Variants in DCC observed in about 807,000 individuals in gnomAD.
DCC encodes DCC netrin 1 receptor, also known as netrin receptor DCC.
Under a neutral mutation model 172.5 loss-of-function variants are expected in DCC, and 58 were observed. The observed-to-expected ratio is 0.34, with a 90% CI of 0.27 to 0.42. DCC has a LOEUF of 0.42. Among genes scored for constraint, DCC ranks in the 10% least tolerant of loss-of-function variants. DCC has a pLI of 1.00. For missense variants in DCC, 1,740 were observed against 1,791.0 expected, an observed-to-expected ratio of 0.97 and a Z score of 0.51; for synonymous variants, 709 against 644.5, an observed-to-expected ratio of 1.10 and a Z score of -1.52.
chr18:53,068,413 T>TC (rs1009549662), intron 7 of DCC, among the ~76,000 whole-genome samples: 1 of 94,384 alleles, frequency 1.1e-5, no homozygotes, highest in Non-Finnish European at 2.0e-5. Context: ...TCCCTCTCCC[T>TC]CCCCCCACCC....
At chr18:52,384,593 G>A (rs1393462065) in intron 1 of DCC, among the ~76,000 whole-genome samples, 1 of 152,126 alleles carries the variant, frequency 6.6e-6, no homozygotes, top group Non-Finnish European at 1.5e-5. Context: ...GTGGCGTGGC[G>A]GGGTGAAGAC....
chr18:53,346,240 C>T (rs987064605), intron 15 of DCC, among the ~76,000 whole-genome samples: 3 of 152,008 alleles, frequency 2.0e-5, no homozygotes, highest in Non-Finnish European at 2.9e-5. Context: ...TATTTGATTT[C>T]CAGCAGCTAG....
At chr18:53,448,455 A>G (rs541018525) in intron 22 of DCC, among the ~76,000 whole-genome samples, 2 of 152,328 alleles carry the variant, frequency 1.3e-5, no homozygotes, top group South Asian at 4.2e-4. Context: ...GCATGCGGGT[A>G]AACACCCCCA....
At chr18:52,610,175 AAAAATATATATATATATATATAT>A (rs1568254167) in intron 1 of DCC, among the ~76,000 whole-genome samples, 6 of 20,830 alleles carry the variant, frequency 2.9e-4, no homozygotes, top group African/African-American at 9.8e-4. Flanking sequence ...AAAAAAAAAA[AAAAATATATATATATATATATAT>A]ATATATATAT....
chr18:52,479,113 CTTGT>C (rs5824939), intron 1 of DCC, among the ~76,000 whole-genome samples: 92,534 of 151,512 alleles, frequency 0.61, 28,318 homozygotes, highest in Middle Eastern at 0.66. Flanking sequence ...ACCTCATAGA[CTTGT>C]TTGTGAAAGT....
At chr18:52,862,014 C>T (rs371571248) in intron 2 of DCC, among the ~76,000 whole-genome samples, 38 of 151,976 alleles carry the variant, frequency 2.5e-4, no homozygotes, top group African/African-American at 8.0e-4. Flanking sequence ...TCATGGCATA[C>T]GACAATTTAA....
chr18:52,810,552 G>C (rs1299457422), intron 2 of DCC, among the ~76,000 whole-genome samples: 1 of 152,176 alleles, frequency 6.6e-6, no homozygotes, highest in African/African-American at 2.4e-5. Flanking sequence ...GGGACATAGG[G>C]ATGTTCCCCC....
chr18:52,691,893 A>G lies in DCC; in HGVS notation c.92-60161A>G, dbSNP rs563496109. Among the ~76,000 whole-genome samples the G allele has an allele frequency of 6.5e-3, 988 of 152,280 alleles. 15 individuals are homozygous for G. The highest frequency in any genetic ancestry group is 9.5e-3 in the Non-Finnish European group (649 of 68,028). Reference sequence around the variant, plus strand: ...CTGAAAACCTCTTTGCTTATAACTGACCTGGCTTTTTATATCAATGACTTC... The same window carrying G: ...CTGAAAACCTCTTTGCTTATAACTGGCCTGGCTTTTTATATCAATGACTTC... On this transcript the variant is annotated intron_variant, in intron 1 of 28. Coordinates refer to ENST00000442544, the MANE Select transcript of DCC (RefSeq NM_005215.4).
intron 12 of DCC, among the ~76,000 whole-genome samples, chr18:53,243,051 CATGTTGAA>C (rs1345501442): frequency 2.0e-4 from 31 of 152,206 alleles, no homozygotes; most frequent in African/African-American, 7.2e-4. Context: ...ACATTTTTAA[CATGTTGAA>C]CTGATGTGAC....
intron 1 of DCC, among the ~76,000 whole-genome samples, chr18:52,515,909 A>T (rs1417792578): frequency 6.7e-6 from 1 of 148,460 alleles, no homozygotes; most frequent in African/African-American, 2.4e-5. Context: ...CAATAGAAAA[A>T]AAATCCAGTT....
intron 1 of DCC, among the ~76,000 whole-genome samples, chr18:52,708,975 T>G (rs955306856): frequency 2.0e-5 from 3 of 152,150 alleles, no homozygotes; most frequent in Non-Finnish European, 2.9e-5. Flanking sequence ...TGTTAGGAAG[T>G]CAAGTACAGA....
At chr18:53,147,244 G>A (rs2043929383) in intron 7 of DCC, among the ~76,000 whole-genome samples, 1 of 152,152 alleles carries the variant, frequency 6.6e-6, no homozygotes, top group Non-Finnish European at 1.5e-5. Flanking sequence ...CTCAGCTGTG[G>A]TTGCAAGTAC....
intron 23 of DCC, among the ~76,000 whole-genome samples, chr18:53,452,388 C>G (rs564023918): frequency 3.9e-5 from 6 of 152,192 alleles, no homozygotes; most frequent in African/African-American, 7.2e-5. Flanking sequence ...GGTTCCCCCC[C>G]GCCCCGTGTC....
At chr18:52,440,562 A>G (rs957398602) in intron 1 of DCC, among the ~76,000 whole-genome samples, 1 of 152,232 alleles carries the variant, frequency 6.6e-6, no homozygotes, top group Non-Finnish European at 1.5e-5. Flanking sequence ...GTGATATTGC[A>G]TAGTAAACAG....
intron 7 of DCC, among the ~76,000 whole-genome samples, chr18:53,069,212 G>C (rs902020813): frequency 1.3e-5 from 2 of 152,204 alleles, no homozygotes; most frequent in Non-Finnish European, 1.5e-5. Context: ...CTTCCCAGAA[G>C]AGGGGTTAAT....
intron 27 of DCC, among the ~76,000 whole-genome samples, chr18:53,512,100 C>G (rs948536846): frequency 1.3e-5 from 2 of 152,094 alleles, no homozygotes; most frequent in Non-Finnish European, 2.9e-5. Context: ...TCTCCCAGCA[C>G]GCAGCTGGAG....
intron 3 of DCC, among the ~76,000 whole-genome samples, chr18:52,913,996 A>G (rs9966005): frequency 0.39 from 59,666 of 151,938 alleles, 12,243 homozygotes; most frequent in Non-Finnish European, 0.46. Flanking sequence ...TTCAACACTG[A>G]CAAAATGGGA....
chr18:52,539,017 T>TC (rs1217339631), intron 1 of DCC, among the ~76,000 whole-genome samples: 1 of 152,208 alleles, frequency 6.6e-6, no homozygotes, highest in Non-Finnish European at 1.5e-5. Flanking sequence ...AGCCTCTTGT[T>TC]CTTTCCAGAT....
intron 1 of DCC, among the ~76,000 whole-genome samples, chr18:52,367,823 A>C (rs1984947386): frequency 6.6e-6 from 1 of 152,232 alleles, no homozygotes; most frequent in East Asian, 1.9e-4. Flanking sequence ...TACATAGGCA[A>C]GTCTGCAAGT....
Sources: allele counts gnomAD v4.1 joint callset (sites outside exome capture counted in the v4.1 genomes callset), GRCh38; gene constraint gnomAD v4.1.1; transcripts MANE v1.5; gene names NCBI Gene and HGNC (gene_info 2026-07-23, HGNC 2026-07-21).